Variants in AGBL1 observed in about 807,000 individuals in gnomAD.
The protein encoded by AGBL1 is cytosolic carboxypeptidase 4.
A neutral mutation model predicts 118.9 loss-of-function variants in AGBL1; 130 were observed. That is an observed-to-expected ratio of 1.09 (90% CI 0.95 to 1.26). The LOEUF (loss-of-function observed/expected upper bound fraction) is 1.26. Among genes scored for constraint, AGBL1 ranks in the 50% most tolerant of loss-of-function variants. The probability of loss-of-function intolerance (pLI) is 0.00; values close to 1 mark genes in which losing one functional copy is unlikely to be tolerated. For missense variants in AGBL1, 1,584 were observed against 1,298.1 expected (o/e 1.22, Z -3.38); for synonymous variants, 555 against 478.9 (o/e 1.16, Z -2.08).
chr15:86,999,286 G>A (rs2081411068), intron 24 of AGBL1, among the ~76,000 whole-genome samples: 1 of 151,246 alleles, frequency 6.6e-6, no homozygotes, highest in South Asian at 2.1e-4. Context: ...TTAGTTACAT[G>A]TGTGTACATG....
chr15:86,822,893 G>A (rs1290041327), intron 22 of AGBL1, among the ~76,000 whole-genome samples: 1 of 152,096 alleles, frequency 6.6e-6, no homozygotes, highest in Non-Finnish European at 1.5e-5. Flanking sequence ...CCTAAGGGCA[G>A]GATTTATGGT....
chr15:86,148,109 A>G (rs2077056451), intron 3 of AGBL1, among the ~76,000 whole-genome samples: 1 of 152,248 alleles, frequency 6.6e-6, no homozygotes, highest in African/African-American at 2.4e-5. Context: ...CATCTACACC[A>G]AAACCTCATC....
chr15:86,540,821 A>C (rs1416762143), intron 19 of AGBL1, among the ~76,000 whole-genome samples: 1 of 152,182 alleles, frequency 6.6e-6, no homozygotes, highest in African/African-American at 2.4e-5. Flanking sequence ...ATCGTTTGAG[A>C]AACAAGCAGA....
chr15:86,421,857 G>T (rs1596094070), intron 18 of AGBL1, among the ~76,000 whole-genome samples: 2 of 152,014 alleles, frequency 1.3e-5, no homozygotes, highest in Non-Finnish European at 2.9e-5. Flanking sequence ...ACAAAGAAGG[G>T]CCTTACATAA....
chr15:86,459,928 A>C (rs2082310362), intron 18 of AGBL1, among the ~76,000 whole-genome samples: 1 of 152,144 alleles, frequency 6.6e-6, no homozygotes, highest in Non-Finnish European at 1.5e-5. Context: ...ATATGATGGA[A>C]ACTCCAGAGA....
chr15:86,870,657 A>T (rs2079714002), intron 22 of AGBL1, among the ~76,000 whole-genome samples: 1 of 152,120 alleles, frequency 6.6e-6, no homozygotes. Context: ...TATGGAAAGC[A>T]AGAAAGGAGC....
intron 18 of AGBL1, among the ~76,000 whole-genome samples, chr15:86,448,252 G>A (rs1451994942): frequency 3.3e-5 from 5 of 152,152 alleles, no homozygotes; most frequent in African/African-American, 1.2e-4. Flanking sequence ...ATGTAGAGGA[G>A]GTAGTATTTG....
chr15:86,280,426 T>C (rs2079332729), intron 16 of AGBL1, among the ~76,000 whole-genome samples: 1 of 152,162 alleles, frequency 6.6e-6, no homozygotes. Context: ...CATAAGGCCC[T>C]GCAAAAAGTT....
At chr15:86,254,882 G>A (rs1434646694) in intron 7 of AGBL1, among the ~76,000 whole-genome samples, 2 of 152,160 alleles carry the variant, frequency 1.3e-5, no homozygotes, top group South Asian at 2.1e-4. Flanking sequence ...GCATTCATAA[G>A]TATTTCCCCT....
intron 5 of AGBL1, among the ~76,000 whole-genome samples, chr15:86,191,168 C>CG (rs959284887): frequency 9.2e-6 from 1 of 108,662 alleles, no homozygotes; most frequent in Admixed American, 8.5e-5. Flanking sequence ...CATGGTGAAA[C>CG]CCCCCCTCCC....
chr15:86,477,373 G>A (rs182924213), intron 18 of AGBL1, among the ~76,000 whole-genome samples: 32 of 152,194 alleles, frequency 2.1e-4, no homozygotes, highest in African/African-American at 2.9e-4. Flanking sequence ...GAATCAAATA[G>A]ACGCAATAAA....
chr15:86,733,783 A>G (rs1347760847), intron 22 of AGBL1, among the ~76,000 whole-genome samples: 1 of 152,180 alleles, frequency 6.6e-6, no homozygotes, highest in African/African-American at 2.4e-5. Flanking sequence ...ATAAACAGGA[A>G]TTGGCAAATG....
At chr15:86,804,614 A>T (rs751030328) in intron 22 of AGBL1, among the ~76,000 whole-genome samples, 3 of 152,212 alleles carry the variant, frequency 2.0e-5, no homozygotes, top group Non-Finnish European at 4.4e-5. Flanking sequence ...AAACTAAGCA[A>T]TGCCAGTTCT....
chr15:86,999,640 G>T (rs945639509), intron 24 of AGBL1, among the ~76,000 whole-genome samples: 2 of 150,438 alleles, frequency 1.3e-5, no homozygotes, highest in Non-Finnish European at 3.0e-5. Flanking sequence ...TGGACATTTG[G>T]GTTGGTTCCA....
At chr15:86,814,314 A>C (rs1239325058) in intron 22 of AGBL1, among the ~76,000 whole-genome samples, 1 of 152,076 alleles carries the variant, frequency 6.6e-6, no homozygotes. Context: ...TTTCATCCCA[A>C]AGCCATTCCC....
chr15:86,819,912 CA>C (rs1470476926), intron 22 of AGBL1, among the ~76,000 whole-genome samples: 1 of 152,084 alleles, frequency 6.6e-6, no homozygotes, highest in Non-Finnish European at 1.5e-5. Context: ...CTACGGTAAC[CA>C]AAACAGCATG....
At chr15:86,216,995 C>T (rs1387075393) in intron 5 of AGBL1, among the ~76,000 whole-genome samples, 1 of 152,210 alleles carries the variant, frequency 6.6e-6, no homozygotes, top group Non-Finnish European at 1.5e-5. Flanking sequence ...CAACCACTTC[C>T]TCTCCATATT....
chr15:86,237,722 A>G (rs1341275642), intron 6 of AGBL1, among the ~76,000 whole-genome samples: 1 of 152,194 alleles, frequency 6.6e-6, no homozygotes, highest in Admixed American at 6.5e-5. Flanking sequence ...TTCTAAGACA[A>G]TTATTCTGAA....
chr15:86,407,287 G>A (rs1021847542), intron 18 of AGBL1, among the ~76,000 whole-genome samples: 6 of 152,106 alleles, frequency 3.9e-5, no homozygotes, highest in African/African-American at 7.2e-5. Context: ...GGTCAGTCCC[G>A]TGTCTAATAA....
Sources: allele counts gnomAD v4.1 joint callset (sites outside exome capture counted in the v4.1 genomes callset), GRCh38; gene constraint gnomAD v4.1.1; transcripts MANE v1.5; gene names NCBI Gene and HGNC (gene_info 2026-07-23, HGNC 2026-07-21).